FRMD5: variants seen among roughly 807,000 people sequenced by gnomAD.
FRMD5 encodes FERM domain-containing protein 5.
FRMD5 carries 20 observed loss-of-function variants against 69.0 expected under a neutral mutation model. The observed-to-expected ratio is 0.29, with a 90% confidence interval of 0.20 to 0.42. FRMD5 has a LOEUF of 0.42. Among genes scored for constraint, FRMD5 ranks in the 10% least tolerant of loss-of-function variants. The pLI is 1.00. For synonymous variants in FRMD5, 271 were observed against 260.1 expected (o/e 1.04, Z -0.40); for missense variants, 595 against 708.6 (o/e 0.84, Z 1.82).
intron 1 of FRMD5, among the ~76,000 whole-genome samples, chr15:44,035,966 C>A (rs887549994): frequency 6.6e-6 from 1 of 152,128 alleles, no homozygotes; most frequent in Non-Finnish European, 1.5e-5. Context: ...AGATCTTCCT[C>A]GTAGTAAACT....
At chr15:43,885,851 A>C in intron 10 of FRMD5, 96 bp from the exon 11 acceptor site, 1 of 966,922 alleles carries the variant, frequency 1.0e-6, no homozygotes, top group South Asian at 1.3e-5. Context: ...GCTACTTGAA[A>C]CTTCAGGAAA....
At chr15:43,971,169 G>A (rs1243097225) in intron 1 of FRMD5, among the ~76,000 whole-genome samples, 4 of 152,014 alleles carry the variant, frequency 2.6e-5, no homozygotes, top group Non-Finnish European at 5.9e-5. Flanking sequence ...GAACCCGGGA[G>A]GTGGAGGTTG....
intron 1 of FRMD5, among the ~76,000 whole-genome samples, chr15:43,954,789 T>A (rs1256517150): frequency 6.6e-6 from 1 of 152,226 alleles, no homozygotes; most frequent in African/African-American, 2.4e-5. Flanking sequence ...AAGCCTCAGA[T>A]GAAATCTACC....
intron 1 of FRMD5, among the ~76,000 whole-genome samples, chr15:44,005,671 A>T (rs554057246): frequency 1.7e-3 from 264 of 152,144 alleles, no homozygotes; most frequent in Admixed American, 3.5e-3. Flanking sequence ...GAGCACGAGG[A>T]AAAGAGTGAG....
chr15:44,098,926 G>A (rs2140517513), intron 1 of FRMD5, among the ~76,000 whole-genome samples: 1 of 152,282 alleles, frequency 6.6e-6, no homozygotes, highest in Middle Eastern at 3.4e-3. Context: ...TGCAAATGAA[G>A]AGTAGCAAAC....
At chr15:43,935,531 T>C (rs913110525) in intron 1 of FRMD5, among the ~76,000 whole-genome samples, 13 of 152,224 alleles carry the variant, frequency 8.5e-5, no homozygotes, top group African/African-American at 3.1e-4. Flanking sequence ...TGGAAATGTA[T>C]GTCTTAATGT....
chr15:44,065,188 A>G (rs2140394570), intron 1 of FRMD5, among the ~76,000 whole-genome samples: 1 of 152,350 alleles, frequency 6.6e-6, no homozygotes. Context: ...AATATACAGT[A>G]CTTAGTATAG....
At chr15:44,063,037 CAG>C (rs1228948234) in intron 1 of FRMD5, among the ~76,000 whole-genome samples, 1 of 152,166 alleles carries the variant, frequency 6.6e-6, no homozygotes, top group Non-Finnish European at 1.5e-5. Flanking sequence ...AAATCAATGA[CAG>C]TGAAATCTCC....
chr15:44,095,510 TCA>T (rs1410223273), intron 1 of FRMD5, among the ~76,000 whole-genome samples: 2 of 152,286 alleles, frequency 1.3e-5, no homozygotes, highest in Non-Finnish European at 2.9e-5. Flanking sequence ...TGGCTTGAAT[TCA>T]CAGTTTCTGT....
chr15:43,996,135 G>A lies in FRMD5; in HGVS notation c.103-71826C>T, dbSNP rs1052855666. Among the ~76,000 whole-genome samples the A allele has an allele frequency of 2.6e-5, 4 of 151,992 alleles. No individual in the cohort carries two copies. In the East Asian group the frequency reaches 7.8e-4, roughly 30 times the overall value. On this transcript the variant is annotated intron_variant, in intron 1 of 13. Coordinates refer to ENST00000417257, the MANE Select transcript of FRMD5 (RefSeq NM_032892.5). ...GCTGACCTGCCTCTGGGCTGTTCTG[G>A]AACCTGGGGTGGGCCTGCAGACTAG...
intron 1 of FRMD5, among the ~76,000 whole-genome samples, chr15:44,093,724 C>G (rs925313199): frequency 6.6e-6 from 1 of 152,034 alleles, no homozygotes; most frequent in Non-Finnish European, 1.5e-5. Flanking sequence ...AGGTGCCCTC[C>G]ACCATGCCCG....
intron 13 of FRMD5, among the ~76,000 whole-genome samples, chr15:43,876,812 G>C (rs1344833463): frequency 3.3e-5 from 5 of 152,182 alleles, no homozygotes; most frequent in Non-Finnish European, 7.4e-5. Flanking sequence ...TCTAGAATAG[G>C]CTGAAAAGCT....
chr15:43,972,327 A>G (rs1179118531), intron 1 of FRMD5, among the ~76,000 whole-genome samples: 2 of 152,100 alleles, frequency 1.3e-5, no homozygotes, highest in Admixed American at 6.6e-5. Flanking sequence ...AAAAGCATAT[A>G]TAAGTTATTC....
At chr15:44,003,524 A>G (rs566346938) in intron 1 of FRMD5, among the ~76,000 whole-genome samples, 1 of 152,146 alleles carries the variant, frequency 6.6e-6, no homozygotes, top group South Asian at 2.1e-4. Context: ...CTCACCTCCT[A>G]TTACTCCCTT....
intron 1 of FRMD5, among the ~76,000 whole-genome samples, chr15:43,998,464 T>C (rs1030638074): frequency 6.6e-6 from 1 of 152,200 alleles, no homozygotes; most frequent in African/African-American, 2.4e-5. Flanking sequence ...ACACTAGACA[T>C]TGTCTTTGAC....
chr15:44,036,023 G>A (rs1891893532), intron 1 of FRMD5, among the ~76,000 whole-genome samples: 1 of 152,106 alleles, frequency 6.6e-6, no homozygotes, highest in Admixed American at 6.6e-5. Context: ...AATGTATGCT[G>A]ACCTAAGAGA....
intron 1 of FRMD5, among the ~76,000 whole-genome samples, chr15:43,937,770 G>C (rs1388376948): frequency 6.6e-6 from 1 of 152,104 alleles, no homozygotes. Flanking sequence ...GTTGGACCAT[G>C]GGGAGATCTG....
rs563660136 is a variant in FRMD5, at chr15:44,054,393, A to G, written c.103-130084T>C. Among the ~76,000 whole-genome samples, 55 of 152,292 alleles carry G rather than the reference A, an allele frequency of 3.6e-4. No individual in the cohort carries two copies. In the South Asian group the frequency reaches 5.8e-3, roughly 16 times the overall value. On this transcript the variant is annotated intron_variant, in intron 1 of 13. Coordinates refer to ENST00000417257, the MANE Select transcript of FRMD5 (RefSeq NM_032892.5). ...ACTGTTTACAACCATAAAAGTCCCA[A>G]ACCCGCCAGATTTTACTAGAGTCTC...
chr15:44,165,653 T>C (rs536071470), intron 1 of FRMD5, among the ~76,000 whole-genome samples: 149 of 152,036 alleles, frequency 9.8e-4, no homozygotes, highest in Non-Finnish European at 1.6e-3. Context: ...CTGGGCAACA[T>C]GGTGAAACCC....
Sources: allele counts gnomAD v4.1 joint callset (sites outside exome capture counted in the v4.1 genomes callset), GRCh38; gene constraint gnomAD v4.1.1; transcripts MANE v1.5; gene names NCBI Gene and HGNC (gene_info 2026-07-23, HGNC 2026-07-21).